SRPK1: variants seen among roughly 807,000 people sequenced by gnomAD.
SRPK1 encodes the protein SRSF protein kinase 1.
In SRPK1, 52 loss-of-function variants were observed where a neutral mutation model predicts 89.5. That is an observed-to-expected ratio of 0.58 (90% CI 0.46 to 0.73). The LOEUF (loss-of-function observed/expected upper bound fraction) is 0.73. Among genes scored for constraint, SRPK1 ranks in the 30% least tolerant of loss-of-function variants. The pLI, the probability that SRPK1 is intolerant of heterozygous loss-of-function variation, is 0.00. For synonymous variants in SRPK1, 255 were observed against 270.2 expected, an observed-to-expected ratio of 0.94 and a Z score of 0.55; for missense variants, 603 against 780.6, an observed-to-expected ratio of 0.77 and a Z score of 2.71.
Position 35,869,654 on chromosome 6 carries a change from A to G in SRPK1, c.1239T>C (p.Ser413=), listed in dbSNP as rs1385457415. ...GDSSTSQETD[S]CTPITSEVSD... is the part of the protein sequence containing the mutation. ...ACACCTCAGATGTTATAGGTGTACA[A>G]GAGTCTGTTTCTTGAGATGTGCTGC... The change falls in exon 11 of 16, where the codon TCT becomes TCC. Residue 413 remains serine (S), a synonymous_variant. Coordinates refer to ENST00000373825, the MANE Select transcript of SRPK1 (RefSeq NM_003137.5). 1.2e-6 allele frequency: 2 copies of G among 1,613,928 alleles called. No individual in the cohort carries two copies. The highest frequency in any genetic ancestry group is 1.7e-6 in the Non-Finnish European group (2 of 1,179,906).
intron 13 of SRPK1, 198 bp downstream of exon 13, chr6:35,857,063 G>C: frequency 2.0e-6 from 1 of 492,316 alleles, no homozygotes; most frequent in East Asian, 3.1e-5. Context: ...CACCTAACAG[G>C]AACTTAGCAG....
intron 14 of SRPK1, 29 bp downstream of exon 14, chr6:35,842,506 C>T: frequency 1.9e-6 from 3 of 1,557,986 alleles, no homozygotes; most frequent in Non-Finnish European, 2.6e-6. Flanking sequence ...AAATACCACG[C>T]ACACACATCC....
In SRPK1 at chr6:35,885,296, C is replaced by CAGAG. The variant is rs879265572; in HGVS notation, c.478+1427_478+1428insCTCT. On this transcript the variant is annotated intron_variant, in intron 6 of 15. Transcript: ENST00000373825. ...ACACACACACACACACACACACACACACAGAGAGAGAGAGAGAGAGAGAGA... is the reference window on the plus strand; with the variant it reads ...ACACACACACACACACACACACACACAGAGACAGAGAGAGAGAGAGAGAGAGAGA... Among the ~76,000 whole-genome samples, 146 of 123,872 alleles carry CAGAG rather than the reference C, an allele frequency of 1.2e-3. No homozygotes were observed. The East Asian group carries it at 0.013, about 11-fold the overall frequency. 81.3% of individuals were successfully genotyped at this position (123,872 alleles called of 152,430 possible).
intron 2 of SRPK1, among the ~76,000 whole-genome samples, chr6:35,917,018 C>A (rs1771118684): frequency 6.6e-6 from 1 of 152,102 alleles, no homozygotes; most frequent in South Asian, 2.1e-4. Flanking sequence ...TGAGAATGCG[C>A]CACTGCACTC....
chr6:35,902,121 C>G (rs1770755185), intron 2 of SRPK1, among the ~76,000 whole-genome samples: 1 of 150,894 alleles, frequency 6.6e-6, no homozygotes, highest in Non-Finnish European at 1.5e-5. Flanking sequence ...TAAGAAATGT[C>G]ACATAGGCTT....
chr6:35,863,340 TCA>T (rs989215383), intron 12 of SRPK1, among the ~76,000 whole-genome samples: 20 of 149,010 alleles, frequency 1.3e-4, no homozygotes, highest in African/African-American at 4.7e-4. Context: ...GCCTGTAGTC[TCA>T]GTTACTCAGG....
At position 35,857,265 on chromosome 6, in the gene SRPK1, C is replaced by T. The variant is rs1234056808; in HGVS notation, c.1616G>A (p.Cys539Tyr). The T allele has an allele frequency of 1.9e-6, 3 of 1,609,918 alleles. No homozygotes were observed. ...GCCAAGGGGAAAAAACATTACCATGCATGCCGTGCTCCAAATGTCAGCAGG... is the reference window on the plus strand; with the variant it reads ...GCCAAGGGGAAAAAACATTACCATGTATGCCGTGCTCCAAATGTCAGCAGG... Reference protein sequence around the residue: ...NTPADIWSTACMAFELATGDY... With the variant: ...NTPADIWSTAYMAFELATGDY... Residue 539 changes from cysteine (C) to tyrosine (Y), a missense_variant, in exon 13 of 16, where the codon TGC becomes TAC. Coordinates refer to ENST00000373825, the MANE Select transcript of SRPK1 (RefSeq NM_003137.5).
chr6:35,868,049 C>T lies in SRPK1; in HGVS notation c.1512+961G>A, dbSNP rs1422565382. ...GTGCAATGGCGTGATCTTGGCTCGC[C>T]GAAACCTCTGCCTGCCAGGTTCAAG... On this transcript the variant is annotated intron_variant, in intron 12 of 15. Coordinates refer to ENST00000373825, the MANE Select transcript of SRPK1 (RefSeq NM_003137.5). 2.6e-5 allele frequency among the ~76,000 whole-genome samples: 4 copies of T among 151,968 alleles called. No homozygotes were observed. In the East Asian group the frequency reaches 5.9e-4, roughly 22 times the overall value.
intron 6 of SRPK1, among the ~76,000 whole-genome samples, chr6:35,880,334 A>G (rs1018234211): frequency 6.6e-6 from 1 of 152,118 alleles, no homozygotes; most frequent in African/African-American, 2.4e-5. Context: ...TGAGGAATAG[A>G]AAGAAAAAAG....
In SRPK1 at chr6:35,869,588, C is replaced by CT; in HGVS notation, c.1304dup (p.Ser436ValfsTer4). 6.2e-7 allele frequency: 1 copy of CT among 1,613,964 alleles called. No homozygotes were observed. The highest frequency in any genetic ancestry group is 2.2e-5 in the East Asian group (1 of 44,886). Reference sequence around the variant, plus strand: ...GGCTAATGTGTTGTTCACTGAATGACTGACCTACAGTTGAGGAAGACTGGC... The same window carrying CT: ...GGCTAATGTGTTGTTCACTGAATGACTTGACCTACAGTTGAGGAAGACTGGC... On this transcript the variant is annotated frameshift_variant, in exon 11 of 16. Coordinates refer to ENST00000373825, the MANE Select transcript of SRPK1 (RefSeq NM_003137.5). LOFTEE classifies it high-confidence loss of function.
intron 2 of SRPK1, among the ~76,000 whole-genome samples, chr6:35,903,460 C>T (rs112546588): frequency 0.024 from 3,559 of 151,002 alleles, 71 homozygotes; most frequent in South Asian, 0.046. Context: ...TGCAGTGAGC[C>T]GAGATTGTGC....
rs145057353 is a variant in SRPK1, at chr6:35,904,853, C to T, written c.75-13840G>A. 3.2e-3 allele frequency: 820 copies of T among 254,436 alleles called. 20 individuals are homozygous for T. Among genetic ancestry groups the T allele is most frequent in the South Asian group, 0.023 (626 of 27,806 alleles). 15.8% of individuals were successfully genotyped at this position (254,436 alleles called of 1,614,324 possible). ...TAAAAAAATAAAAAATAAATAAAGT[C>T]GTGGGCTGGGCACTGTGGCTCACAC... is the stretch of plus-strand genomic sequence containing the variant. On this transcript the variant is annotated intron_variant, in intron 2 of 15. Coordinates refer to ENST00000373825, the MANE Select transcript of SRPK1 (RefSeq NM_003137.5).
At position 35,913,385 on chromosome 6, in the gene SRPK1, G is replaced by A. The variant is rs577097972; in HGVS notation, c.74+7083C>T. On this transcript the variant is annotated intron_variant, in intron 2 of 15. Coordinates refer to ENST00000373825, the MANE Select transcript of SRPK1 (RefSeq NM_003137.5). ...TATAACAGTTGACCTTGAGGTAGGAGAATCACTTGAATTCACTTGAATCAC... is the reference window on the plus strand; with the variant it reads ...TATAACAGTTGACCTTGAGGTAGGAAAATCACTTGAATTCACTTGAATCAC... 1.1e-4 allele frequency among the ~76,000 whole-genome samples: 17 copies of A among 152,260 alleles called. No homozygotes were observed. The South Asian group carries it at 3.5e-3, about 32-fold the overall frequency.
At chr6:35,888,359 T>C (rs1770452059) in intron 4 of SRPK1, among the ~76,000 whole-genome samples, 3 of 152,158 alleles carry the variant, frequency 2.0e-5, no homozygotes, top group Admixed American at 1.3e-4. Flanking sequence ...TGAGTTAAAA[T>C]CCTTCTTTTG....
Position 35,920,837 on chromosome 6 carries a change from G to A in SRPK1, c.13+207C>T, listed in dbSNP as rs940910552. 1.4e-5 allele frequency: 7 copies of A among 513,054 alleles called. No individual in the cohort carries two copies. The African/African-American group carries it at 1.4e-4, about 10-fold the overall frequency. The allele number at this position is 513,054 out of a possible 1,614,324, so 31.8% of individuals were successfully genotyped here. Reference sequence around the variant, plus strand: ...GCCGGCCTGGCGGGGAACAAGGGGCGGCTACGGCCGGCGCCAGAGGACGCC... The same window carrying A: ...GCCGGCCTGGCGGGGAACAAGGGGCAGCTACGGCCGGCGCCAGAGGACGCC... On this transcript the variant is annotated intron_variant, in intron 1 of 15. Coordinates refer to ENST00000373825, the MANE Select transcript of SRPK1 (RefSeq NM_003137.5).
Position 35,859,959 on chromosome 6 carries a change from C to T in SRPK1, c.1513-2591G>A, listed in dbSNP as rs146184303. ...CTGCAAGCTCTGCCTCCTGGGTTCA[C>T]GTCATTCTCCTGCCTCTGCCTCCCA... On this transcript the variant is annotated intron_variant, in intron 12 of 15. Transcript: ENST00000373825. Among the ~76,000 whole-genome samples the T allele has an allele frequency of 4.8e-3, 733 of 151,626 alleles. 5 individuals carry two copies. Among genetic ancestry groups the T allele is most frequent in the African/African-American group, 0.017 (692 of 41,330 alleles).
chr6:35,905,579 A>T (rs1275202593), intron 2 of SRPK1, among the ~76,000 whole-genome samples: 2 of 152,232 alleles, frequency 1.3e-5, no homozygotes, highest in Non-Finnish European at 2.9e-5. Flanking sequence ...TCCTACAGCA[A>T]GGAACTAGTC....
At chr6:35,899,768 G>A (rs1396715657) in intron 2 of SRPK1, among the ~76,000 whole-genome samples, 5 of 152,106 alleles carry the variant, frequency 3.3e-5, no homozygotes, top group East Asian at 1.9e-4. Flanking sequence ...TTGGGAAGCC[G>A]AGGCGGGTGT....
chr6:35,882,207 C>G (rs958972544), intron 6 of SRPK1, among the ~76,000 whole-genome samples: 2 of 150,320 alleles, frequency 1.3e-5, no homozygotes, highest in African/African-American at 2.4e-5. Flanking sequence ...AAATAAAGCA[C>G]AAGACATTTG....
Sources: gnomAD v4.1 joint callset for allele counts (sites outside exome capture counted in the v4.1 genomes callset) on GRCh38, gnomAD v4.1.1 for gene constraint, MANE v1.5 for transcripts, NCBI Gene and HGNC (gene_info 2026-07-23, HGNC 2026-07-21) for gene names.